Variants in GKN2 observed in about 807,000 individuals in gnomAD.
GKN2 encodes the protein gastrokine 2, also known as gastrokine-2.
GKN2 carries 17 observed loss-of-function variants against 22.7 expected under a neutral mutation model. That is an observed-to-expected ratio of 0.75 (90% CI 0.51 to 1.13). The LOEUF (loss-of-function observed/expected upper bound fraction) is 1.13, where lower values mean the gene tolerates loss of function less well. Ranked by LOEUF, GKN2 falls within the 50% of genes most tolerant of loss-of-function variation. The pLI is 0.00. For missense variants in GKN2, 248 were observed against 221.4 expected, an observed-to-expected ratio of 1.12 and a Z score of -0.76; for synonymous variants, 82 against 79.6, an observed-to-expected ratio of 1.03 and a Z score of -0.16.
chr2:68,945,241 A>G lies in GKN2; in HGVS notation c.*127T>C. ...AACAAACACCAAAAAATCTATAAAT[A>G]CAGCATTTATATTTTCTGACTGAAT... is the stretch of plus-strand genomic sequence containing the variant. On this transcript the variant is annotated 3_prime_UTR_variant, in exon 6 of 6. Coordinates refer to ENST00000328895, the MANE Select transcript of GKN2 (RefSeq NM_182536.3). 1 of 681,980 alleles carries G rather than the reference A, an allele frequency of 1.5e-6. No homozygotes were observed. The allele number at this position is 681,980 out of a possible 1,614,324, so 42.2% of individuals were successfully genotyped here. A position where few individuals can be genotyped will look rare whatever the true frequency, so the allele number is the denominator to read the frequency against.
At chr2:68,950,610 T>A in intron 2 of GKN2, 92 bp downstream of exon 2, 1 of 1,098,090 alleles carries the variant, frequency 9.1e-7, no homozygotes, top group Non-Finnish European at 1.4e-6. Flanking sequence ...AAATAAGGCA[T>A]ATGGCCTCTC....
intron 1 of GKN2, among the ~76,000 whole-genome samples, chr2:68,951,362 A>G (rs145394623): frequency 6.6e-6 from 1 of 152,324 alleles, no homozygotes; most frequent in East Asian, 1.9e-4. Flanking sequence ...CTATCACACA[A>G]GTGCTGGGCC....
intron 4 of GKN2, among the ~76,000 whole-genome samples, chr2:68,946,813 T>C (rs1490240495): frequency 6.6e-6 from 1 of 152,158 alleles, no homozygotes; most frequent in Non-Finnish European, 1.5e-5. Flanking sequence ...GGTCATTGAA[T>C]ATTAGAACTT....
At position 68,945,433 on chromosome 2, in the gene GKN2, C is replaced by T. The variant is rs746670104; in HGVS notation, c.490G>A (p.Gly164Ser). The change falls in exon 6 of 6, where the codon GGC becomes AGC. Residue 164 changes from glycine (G) to serine (S), a missense_variant. Transcript: ENST00000328895. ...CCCAGGAGCCCAGCCTTTGCACAGC[C>T]TCCAGCACCGACATTATCTGGAAAA... ...VENTHNVGAG[G>S]CAKAGLLGIL... 1.2e-6 allele frequency: 2 copies of T among 1,609,560 alleles called. No homozygotes were observed. Among genetic ancestry groups the T allele is most frequent in the Non-Finnish European group, 1.7e-6 (2 of 1,177,278 alleles).
Position 68,945,251 on chromosome 2 carries a change from T to C in GKN2, c.*117A>G. The C allele has an allele frequency of 1.3e-6, 1 of 747,994 alleles. No homozygotes were observed. Among genetic ancestry groups the C allele is most frequent in the Non-Finnish European group, 2.2e-6 (1 of 458,086 alleles). The allele number at this position is 747,994 out of a possible 1,614,324, so 46.3% of individuals were successfully genotyped here. On this transcript the variant is annotated 3_prime_UTR_variant, in exon 6 of 6. Coordinates refer to ENST00000328895, the MANE Select transcript of GKN2 (RefSeq NM_182536.3). ...AAAAAATCTATAAATACAGCATTTA[T>C]ATTTTCTGACTGAATCTCAAAATTA...
Position 68,946,406 on chromosome 2 carries a change from C to T in GKN2, c.370G>A (p.Glu124Lys). The T allele has an allele frequency of 6.2e-7, 1 of 1,613,720 alleles. No individual in the cohort carries two copies. The highest frequency in any genetic ancestry group is 8.5e-7 in the Non-Finnish European group (1 of 1,179,810). ...CAATCCACGTCTTTGATCAGAGACTCCAGAGGGTTGTACTTGACCCAGGTG... is the reference window on the plus strand; with the variant it reads ...CAATCCACGTCTTTGATCAGAGACTTCAGAGGGTTGTACTTGACCCAGGTG... ...KYTWVKYNPL[E>K]SLIKDVDWFL... is the part of the protein sequence containing the mutation. Residue 124 changes from glutamate to lysine, a missense_variant, in exon 5 of 6, where the codon GAG becomes AAG. By Grantham distance (56) the Glu-to-Lys change is moderately conservative. Transcript: ENST00000328895.
At position 68,950,750 on chromosome 2, in the gene GKN2, T is replaced by A. The variant is rs745796229; in HGVS notation, c.18A>T (p.Ala6=). Residue 6 remains alanine, a synonymous_variant, in exon 2 of 6, where the codon GCA becomes GCT. Coordinates refer to ENST00000328895, the MANE Select transcript of GKN2 (RefSeq NM_182536.3). MKILV[A]FLVVLTIFGI... The stretch of plus-strand genomic sequence containing the variant: ...CAAAGATGGTCAGCACCACCAGAAA[T>A]GCCACCTGAAAAACAGACCCACCAC... 6.8e-6 allele frequency: 11 copies of A among 1,613,892 alleles called. No homozygotes were observed. The highest frequency in any genetic ancestry group is 9.3e-6 in the Non-Finnish European group (11 of 1,179,990).
At position 68,950,682 on chromosome 2, in the gene GKN2, T is replaced by C; in HGVS notation, c.66+20A>G. The stretch of plus-strand genomic sequence containing the variant: ...CTCCCAACATCTCTAAGAGATAAAG[T>C]CCATAAGGAACCAACTCACCTCGTA... On this transcript the variant is annotated intron_variant, in intron 2 of 5. Transcript: ENST00000328895. 1 of 1,610,696 alleles carries C rather than the reference T, an allele frequency of 6.2e-7. No homozygotes were observed. The highest frequency in any genetic ancestry group is 1.3e-5 in the African/African-American group (1 of 74,952).
chr2:68,952,728 CAGA>C (rs1669876434), intron 1 of GKN2, 119 bp downstream of exon 1: 2 of 820,348 alleles, frequency 2.4e-6, no homozygotes, highest in Middle Eastern at 4.9e-4. Context: ...AATTCAATCA[CAGA>C]AGCTTAGAAG....
intron 1 of GKN2, among the ~76,000 whole-genome samples, 175 bp from the exon 2 acceptor site, chr2:68,950,930 T>C (rs560868610): frequency 6.6e-6 from 1 of 152,188 alleles, no homozygotes; most frequent in Non-Finnish European, 1.5e-5. Flanking sequence ...GGCTCACACA[T>C]TGGCTCATTT....
chr2:68,947,901 A>C (rs1450882451), intron 3 of GKN2, among the ~76,000 whole-genome samples: 1 of 152,014 alleles, frequency 6.6e-6, no homozygotes, highest in East Asian at 1.9e-4. Flanking sequence ...CTTTCCATTA[A>C]TTTTATTCTG....
At position 68,950,277 on chromosome 2, in the gene GKN2, A is replaced by G; in HGVS notation, c.67-14T>C. On this transcript the variant is annotated splice_polypyrimidine_tract_variant and intron_variant, in intron 2 of 5. Coordinates refer to ENST00000328895, the MANE Select transcript of GKN2 (RefSeq NM_182536.3). The stretch of plus-strand genomic sequence containing the variant: ...GATGTTAAAAACCTAGATTGAAAAG[A>G]AAGACAAAATGTTTTTCCATAAATC... 2.5e-6 allele frequency: 4 copies of G among 1,597,996 alleles called. No homozygotes were observed. The highest frequency in any genetic ancestry group is 3.4e-6 in the Non-Finnish European group (4 of 1,174,616).
Position 68,950,156 on chromosome 2 carries a change from G to A in GKN2, c.174C>T (p.Cys58=). ...TATAGTCAAAAATTGTGGTAGAAGAGCATGATCCTGCATGGATGTTAATGA... is the reference window on the plus strand; with the variant it reads ...TATAGTCAAAAATTGTGGTAGAAGAACATGATCCTGCATGGATGTTAATGA... The part of the protein sequence containing the change: ...TAIINIHAGS[C]SSTTIFDYKH... The change falls in exon 3 of 6, where the codon TGC becomes TGT. Residue 58 remains cysteine, a synonymous_variant. Transcript: ENST00000328895. 1 of 1,613,538 alleles carries A rather than the reference G, an allele frequency of 6.2e-7. No individual in the cohort carries two copies. The highest frequency in any genetic ancestry group is 1.3e-5 in the African/African-American group (1 of 75,018).
chr2:68,948,257 A>AAC (rs1553423226), intron 3 of GKN2, among the ~76,000 whole-genome samples: 9,022 of 132,176 alleles, frequency 0.068, 631 homozygotes, highest in East Asian at 0.21. Context: ...AAAAAAAAAC[A>AAC]AAAAAAAAAA....
At chr2:68,947,721 G>T (rs577519160) in intron 3 of GKN2, among the ~76,000 whole-genome samples, 3 of 152,194 alleles carry the variant, frequency 2.0e-5, no homozygotes, top group African/African-American at 4.8e-5. Context: ...TTCCAGAGTA[G>T]CTGGGACTAC....
At position 68,947,205 on chromosome 2, in the gene GKN2, A is replaced by G; in HGVS notation, c.257T>C (p.Met86Thr). 1 of 1,614,062 alleles carries G rather than the reference A, an allele frequency of 6.2e-7. No individual in the cohort carries two copies. Among genetic ancestry groups the G allele is most frequent in the Non-Finnish European group, 8.5e-7 (1 of 1,179,930 alleles). Residue 86 changes from methionine to threonine, a missense_variant, in exon 4 of 6, where the codon ATG becomes ACG. By Grantham distance (81) the Met-to-Thr change is moderately conservative (BLOSUM62 -1). Transcript: ENST00000328895. ...LSRRACFILK[M>T]DHQNIPPLNN... The stretch of plus-strand genomic sequence containing the variant: ...CAGAGGAGGGATGTTCTGATGGTCC[A>G]TCTTCAGGATAAAGCAGGCTCTTCG...
intron 3 of GKN2, among the ~76,000 whole-genome samples, chr2:68,948,639 G>A (rs926511147): frequency 6.6e-6 from 1 of 152,218 alleles, no homozygotes; most frequent in African/African-American, 2.4e-5. Context: ...GATTGAAAGA[G>A]CAATGGAGGG....
At chr2:68,949,363 G>A (rs1669820275) in intron 3 of GKN2, among the ~76,000 whole-genome samples, 1 of 151,882 alleles carries the variant, frequency 6.6e-6, no homozygotes, top group Non-Finnish European at 1.5e-5. Flanking sequence ...CTGGATTTCT[G>A]CTATGTTGTG....
At chr2:68,948,939 G>C (rs1349483403) in intron 3 of GKN2, among the ~76,000 whole-genome samples, 2 of 152,082 alleles carry the variant, frequency 1.3e-5, no homozygotes, top group Non-Finnish European at 2.9e-5. Context: ...AACAATTTCA[G>C]TGCCACTTCC....
Sources: allele counts gnomAD v4.1 joint callset (sites outside exome capture counted in the v4.1 genomes callset), GRCh38; gene constraint gnomAD v4.1.1; transcripts MANE v1.5; gene names NCBI Gene and HGNC (gene_info 2026-07-23, HGNC 2026-07-21).